ZFHX3: variants seen among roughly 807,000 people sequenced by gnomAD.
The protein encoded by ZFHX3 is zinc finger homeobox 3.
ZFHX3 carries 42 observed loss-of-function variants against 279.1 expected under a neutral mutation model. The observed-to-expected ratio is 0.15, with a 90% CI of 0.12 to 0.19. The LOEUF is 0.19. Among genes scored for constraint, ZFHX3 ranks in the 10% least tolerant of loss-of-function variants. The pLI is 1.00. For missense variants in ZFHX3, 4,981 were observed against 4,754.0 expected (o/e 1.05, Z -1.40); for synonymous variants, 2,293 against 1,957.8 (o/e 1.17, Z -4.52).
intron 1 of ZFHX3, among the ~76,000 whole-genome samples, chr16:73,777,494 G>C (rs941295260): frequency 1.4e-4 from 15 of 105,196 alleles, no homozygotes; most frequent in African/African-American, 5.5e-4. Flanking sequence ...GGGCGACAGA[G>C]TGAGACTCTG....
At chr16:73,846,536 G>C (rs750853263) in intron 1 of ZFHX3, among the ~76,000 whole-genome samples, 1 of 152,270 alleles carries the variant, frequency 6.6e-6, no homozygotes, top group East Asian at 1.9e-4. Flanking sequence ...AAATTGAGAG[G>C]CTTTGCGAGT....
chr16:73,548,620 T>TAAA (rs72134664), intron 2 of ZFHX3, among the ~76,000 whole-genome samples: 3 of 152,178 alleles, frequency 2.0e-5, no homozygotes, highest in Middle Eastern at 3.4e-3. Context: ...TACATTTTTT[T>TAAA]AAAAATCATC....
intron 5 of ZFHX3, among the ~76,000 whole-genome samples, chr16:73,172,662 CAG>C (rs1389480491): frequency 6.6e-6 from 1 of 152,122 alleles, no homozygotes; most frequent in Non-Finnish European, 1.5e-5. Flanking sequence ...GAGAAAGAGA[CAG>C]AGAAAGAGGT....
chr16:73,678,304 T>TA (rs1460119012), intron 2 of ZFHX3, among the ~76,000 whole-genome samples: 4 of 152,160 alleles, frequency 2.6e-5, no homozygotes, highest in Non-Finnish European at 5.9e-5. Flanking sequence ...CCCTATTGGT[T>TA]ATTGGGAATG....
chr16:73,197,764 G>A (rs1215607175), intron 5 of ZFHX3, among the ~76,000 whole-genome samples: 1 of 152,048 alleles, frequency 6.6e-6, no homozygotes, highest in African/African-American at 2.4e-5. Flanking sequence ...GACTAAGTGG[G>A]CTGGGAATGG....
At position 72,950,762 on chromosome 16, in the gene ZFHX3, C is replaced by T. The variant is rs780299674; in HGVS notation, c.2923G>A (p.Glu975Lys). 5.0e-6 allele frequency: 8 copies of T among 1,614,108 alleles called. No individual in the cohort carries two copies. Among genetic ancestry groups the T allele is most frequent in the African/African-American group, 1.3e-5 (1 of 74,940 alleles). Residue 975 changes from glutamate (E) to lysine (K), a missense_variant, in exon 3 of 10, where the codon GAG becomes AAG. By Grantham distance (56) the Glu-to-Lys change is moderately conservative. This residue lies in a region of ZFHX3 where 1,751 missense variants were observed against 1,770.0 expected (regional missense o/e 0.99). Transcript: ENST00000268489. ...GAGTCCCCCATCACCGCCTTCCACT[C>T]GTCCTCCGACAGGCTGCGCTCCACG... ...MNVERSLSED[E>K]WKAVMGDSYQ... is the part of the protein sequence containing the mutation.
At chr16:72,983,422 C>G (rs900936277) in intron 1 of ZFHX3, among the ~76,000 whole-genome samples, 9 of 152,182 alleles carry the variant, frequency 5.9e-5, no homozygotes, top group African/African-American at 2.2e-4. Context: ...CAGAGAAGGC[C>G]TAGGCCAGGT....
chr16:73,130,515 C>A (rs1342603519), intron 7 of ZFHX3, among the ~76,000 whole-genome samples: 1 of 152,178 alleles, frequency 6.6e-6, no homozygotes, highest in East Asian at 1.9e-4. Context: ...TGGCGTGGAG[C>A]CAGAGACTGG....
intron 1 of ZFHX3, among the ~76,000 whole-genome samples, chr16:73,838,582 T>A (rs374675634): frequency 6.6e-6 from 1 of 152,318 alleles, no homozygotes; most frequent in East Asian, 1.9e-4. Flanking sequence ...TAAAGTGTTA[T>A]TTGAAAGGTG....
chr16:73,566,637 C>T (rs2020454104), intron 2 of ZFHX3, among the ~76,000 whole-genome samples: 1 of 148,152 alleles, frequency 6.7e-6, no homozygotes, highest in South Asian at 2.2e-4. Flanking sequence ...CCTCCCACCT[C>T]AGCTTCCTGA....
At chr16:73,798,079 G>C (rs1960046007) in intron 1 of ZFHX3, among the ~76,000 whole-genome samples, 1 of 152,010 alleles carries the variant, frequency 6.6e-6, no homozygotes, top group Non-Finnish European at 1.5e-5. Flanking sequence ...AAAGTGCTGA[G>C]ATTATATACA....
At chr16:73,462,982 G>A (rs1306055885) in intron 2 of ZFHX3, among the ~76,000 whole-genome samples, 1 of 152,106 alleles carries the variant, frequency 6.6e-6, no homozygotes, top group Non-Finnish European at 1.5e-5. Context: ...TGTAGAATTG[G>A]TGTTAATGCT....
At chr16:72,819,847 G>C (rs1421927250) in intron 5 of ZFHX3, among the ~76,000 whole-genome samples, 11 of 152,242 alleles carry the variant, frequency 7.2e-5, no homozygotes, top group African/African-American at 1.7e-4. Flanking sequence ...TAAGCTCCAT[G>C]TGTTCTGTTA....
At chr16:73,458,522 C>G (rs1255258328) in intron 2 of ZFHX3, among the ~76,000 whole-genome samples, 2 of 152,060 alleles carry the variant, frequency 1.3e-5, no homozygotes, top group Non-Finnish European at 2.9e-5. Flanking sequence ...ATTGCAGGAA[C>G]CTGCCACCAC....
intron 2 of ZFHX3, among the ~76,000 whole-genome samples, chr16:73,614,451 T>C (rs72801471): frequency 0.057 from 8,738 of 152,262 alleles, 326 homozygotes; most frequent in Non-Finnish European, 0.086. Context: ...TTTGGTCCCC[T>C]TTTTTCTCCT....
chr16:73,339,032 G>A (rs994910110), intron 3 of ZFHX3, among the ~76,000 whole-genome samples: 2 of 152,156 alleles, frequency 1.3e-5, no homozygotes, highest in African/African-American at 4.8e-5. Flanking sequence ...GCAGATCCCA[G>A]TGCTATGCTT....
intron 4 of ZFHX3, among the ~76,000 whole-genome samples, chr16:73,264,307 T>A (rs1336620035): frequency 6.6e-6 from 1 of 152,200 alleles, no homozygotes; most frequent in Admixed American, 6.5e-5. Context: ...GGTATCCGTA[T>A]TCATTTCCAG....
chr16:73,458,623 C>T (rs1255544446), intron 2 of ZFHX3, among the ~76,000 whole-genome samples: 1 of 152,072 alleles, frequency 6.6e-6, no homozygotes, highest in African/African-American at 2.4e-5. Context: ...TTACACCTGA[C>T]TTTTGAACTG....
At chr16:72,889,305 G>A (rs2038708298) in intron 4 of ZFHX3, among the ~76,000 whole-genome samples, 1 of 151,980 alleles carries the variant, frequency 6.6e-6, no homozygotes, top group Non-Finnish European at 1.5e-5. Flanking sequence ...TCTTAATACT[G>A]GGCAGGACAC....
Sources: gnomAD v4.1 joint callset for allele counts (sites outside exome capture counted in the v4.1 genomes callset) on GRCh38, gnomAD v4.1.1 for gene constraint, gnomAD v4.1.1 regional missense constraint, MANE v1.5 for transcripts, NCBI Gene and HGNC (gene_info 2026-07-23, HGNC 2026-07-21) for gene names.